Variants in PIEZO1 observed in about 807,000 individuals in gnomAD.
PIEZO1 encodes the protein piezo-type mechanosensitive ion channel component 1.
A neutral mutation model predicts 297.2 loss-of-function variants in PIEZO1; 296 were observed. The observed-to-expected ratio is 1.00, with a 90% CI of 0.91 to 1.10. The LOEUF (loss-of-function observed/expected upper bound fraction) is 1.10. PIEZO1 is among the 50% of genes least tolerant of loss of function. The probability of loss-of-function intolerance (pLI) is 0.00; values close to 1 mark genes in which losing one functional copy is unlikely to be tolerated. For missense variants in PIEZO1, 5,018 were observed against 3,455.5 expected (o/e 1.45, Z -11.34); for synonymous variants, 2,427 against 1,507.5 (o/e 1.61, Z -14.13).
In PIEZO1 at chr16:88,726,975, T is replaced by C; in HGVS notation, c.3456-17A>G. The C allele has an allele frequency of 6.5e-7, 1 of 1,549,766 alleles. No homozygotes were observed. The highest frequency in any genetic ancestry group is 8.7e-7 in the Non-Finnish European group (1 of 1,146,496). On this transcript the variant is annotated splice_polypyrimidine_tract_variant and intron_variant, in intron 24 of 50. Transcript: ENST00000301015. ...AGGTAGGACCTGCCAGGCCGGAGCG[T>C]CAGGGCGGGCGCCCCGGCCACCCCT...
rs1904380290 is a variant in PIEZO1 at position 88,725,765 on chromosome 16, CG to C, written c.3969-82del. 1.8e-5 allele frequency: 14 copies of C among 761,954 alleles called. No individual in the cohort carries two copies. The South Asian group carries it at 2.2e-4, about 12-fold the overall frequency. 47.2% of individuals were successfully genotyped at this position (761,954 alleles called of 1,614,324 possible). A position where few individuals can be genotyped will look rare whatever the true frequency, so the allele number is the denominator to read the frequency against. ...GGCAGCCGCCGCTCCCCGCTCAGCC[CG>C]GGACAGCTCAGCCTGCTCCTCTCTG... is the stretch of plus-strand genomic sequence containing the variant. On this transcript the variant is annotated intron_variant, in intron 27 of 50. Transcript: ENST00000301015.
At chr16:88,759,643 G>C (rs1906834370) in intron 1 of PIEZO1, among the ~76,000 whole-genome samples, 1 of 152,218 alleles carries the variant, frequency 6.6e-6, no homozygotes, top group South Asian at 2.1e-4. Flanking sequence ...TCCCTGCCAT[G>C]ACCCCAGGCA....
At chr16:88,716,338 C>T (rs1373671689) in intron 48 of PIEZO1, 23 bp downstream of exon 48, 2 of 1,510,806 alleles carry the variant, frequency 1.3e-6, no homozygotes, top group Non-Finnish European at 8.9e-7. Flanking sequence ...CCCTCCTGCC[C>T]ACCACCCGGG....
At chr16:88,732,758 C>A (rs1374930097) in intron 19 of PIEZO1, 26 bp from the exon 20 acceptor site, 1 of 1,523,710 alleles carries the variant, frequency 6.6e-7, no homozygotes, top group South Asian at 1.2e-5. Flanking sequence ...GCATCAGTGC[C>A]CCCTCCCAGG....
At position 88,717,104 on chromosome 16, in the gene PIEZO1, G is replaced by A. The variant is rs910108394; in HGVS notation, c.6579C>T (p.Phe2193=). The A allele has an allele frequency of 6.4e-7, 1 of 1,551,212 alleles. No homozygotes were observed. The highest frequency in any genetic ancestry group is 8.7e-7 in the Non-Finnish European group (1 of 1,147,130). The change falls in exon 45 of 51, where the codon TTC becomes TTT. Residue 2193 remains phenylalanine, a synonymous_variant. Transcript: ENST00000301015. ...CAACCACGGAGCGCACCAGCGACAT[G>A]AAGAGCAGTGGGAACCAGATGATGG... ...LIAIIWFPLL[F]MSLVRSVVGV...
chr16:88,754,443 G>A (rs1906553772), intron 1 of PIEZO1, among the ~76,000 whole-genome samples: 2 of 152,224 alleles, frequency 1.3e-5, no homozygotes, highest in Admixed American at 1.3e-4. Context: ...GAGCCCCCCT[G>A]CCAGGATCCA....
At chr16:88,769,883 C>A (rs564173105) in intron 1 of PIEZO1, among the ~76,000 whole-genome samples, 19 of 152,318 alleles carry the variant, frequency 1.2e-4, no homozygotes, top group Admixed American at 1.0e-3. Context: ...ACAGAGAGGC[C>A]GGCATGGGGC....
Position 88,722,939 on chromosome 16 carries a change from C to G in PIEZO1, c.4566G>C (p.Val1522=). The G allele has an allele frequency of 1.3e-6, 2 of 1,549,350 alleles. No individual in the cohort carries two copies. The highest frequency in any genetic ancestry group is 2.4e-5 in the East Asian group (1 of 40,922). The change falls in exon 34 of 51, where the codon GTG becomes GTC. Residue 1522 remains valine, a synonymous_variant. Coordinates refer to ENST00000301015, the MANE Select transcript of PIEZO1 (RefSeq NM_001142864.4). The part of the protein sequence containing the change: ...QFLWMLGQAL[V]DELTRWLQEF... The stretch of plus-strand genomic sequence containing the variant: ...CCTGCAGCCAGCGTGTCAGCTCATC[C>G]ACTAGCGCCTGCCCCAGCATCCACA...
rs1334116120 is a variant in PIEZO1, at chr16:88,734,876, T to C, written c.1847A>G (p.Gln616Arg). The change falls in exon 14 of 51, where the codon CAG becomes CGG. Residue 616 changes from glutamine to arginine, a missense_variant and splice_region_variant. Gln to Arg is a conservative substitution (Grantham distance 43). Transcript: ENST00000301015. The part of the protein sequence containing the change: ...FLFLLCLTLF[Q>R]VYYSLWRKLL... ...CCCCCATCCCGGCCCCCCAGCCACCTGGAAGAGGGTGAGGCAGAGCAGGAA... is the reference window on the plus strand; with the variant it reads ...CCCCCATCCCGGCCCCCCAGCCACCCGGAAGAGGGTGAGGCAGAGCAGGAA... 1.3e-6 allele frequency: 2 copies of C among 1,545,406 alleles called. No homozygotes were observed. Among genetic ancestry groups the C allele is most frequent in the Non-Finnish European group, 1.8e-6 (2 of 1,142,792 alleles).
Position 88,736,179 on chromosome 16 carries a change from G to C in PIEZO1, c.1526C>G (p.Thr509Ser). The change falls in exon 12 of 51, where the codon ACC becomes AGC. Residue 509 changes from threonine (T) to serine (S), a missense_variant. Physicochemically the swap from Thr to Ser is moderately conservative, Grantham distance 58. Transcript: ENST00000301015. ...VSLRQLGLEH[T>S]RYPCLDLGAM... ...ACCAAGGTCCAGACAGGGGTAGCGG[G>C]TGTGCTCCAGCCCCAGCTGGCGCAG... 2.6e-6 allele frequency: 4 copies of C among 1,548,918 alleles called. No individual in the cohort carries two copies. The highest frequency in any genetic ancestry group is 3.5e-6 in the Non-Finnish European group (4 of 1,146,512).
intron 1 of PIEZO1, among the ~76,000 whole-genome samples, chr16:88,768,078 AAAG>A (rs1411767615): frequency 1.3e-5 from 2 of 152,184 alleles, no homozygotes; most frequent in Non-Finnish European, 2.9e-5. Flanking sequence ...ACGAGCCCCC[AAAG>A]CCATGTGCCA....
At position 88,735,194 on chromosome 16, in the gene PIEZO1, T is replaced by A; in HGVS notation, c.1610A>T (p.Lys537Met). 6.4e-7 allele frequency: 1 copy of A among 1,550,414 alleles called. No individual in the cohort carries two copies. The highest frequency in any genetic ancestry group is 8.7e-7 in the Non-Finnish European group (1 of 1,146,944). The change falls in exon 13 of 51, where the codon AAG becomes ATG. Residue 537 changes from lysine (K) to methionine (M), a missense_variant. By Grantham distance (95) the Lys-to-Met change is moderately conservative. Coordinates refer to ENST00000301015, the MANE Select transcript of PIEZO1 (RefSeq NM_001142864.4). ...TGGAGACTCTGCCCACTTCAGCAGC[T>A]TCTCTTTCACAAACTGGCGCAGCAG... ...WLLLRQFVKE[K>M]LLKWAESPAA...
At chr16:88,727,402 G>C (rs1289674929) in intron 23 of PIEZO1, among the ~76,000 whole-genome samples, 155 bp downstream of exon 23, 1 of 148,810 alleles carries the variant, frequency 6.7e-6, no homozygotes, top group East Asian at 1.9e-4. Flanking sequence ...GCTGAGGTCT[G>C]CGTGCGTGCG....
intron 10 of PIEZO1, chr16:88,737,222 A>T (rs867305500): frequency 2.7e-5 from 7 of 262,948 alleles, no homozygotes; most frequent in Middle Eastern, 1.2e-3. Flanking sequence ...GGCCACCTGG[A>T]GCAGCTCCCA....
Position 88,715,405 on chromosome 16 carries a change from G to T in PIEZO1, c.*200C>A. On this transcript the variant is annotated 3_prime_UTR_variant, in exon 51 of 51. Coordinates refer to ENST00000301015, the MANE Select transcript of PIEZO1 (RefSeq NM_001142864.4). ...AAAAAAACTCTACAGTACACGTGGG[G>T]GACGGCAGCGCCACGCAGGCCGTGG... is the stretch of plus-strand genomic sequence containing the variant. 1 of 978,662 alleles carries T rather than the reference G, an allele frequency of 1.0e-6. No individual in the cohort carries two copies. The allele number at this position is 978,662 out of a possible 1,614,324, so 60.6% of individuals were successfully genotyped here.
chr16:88,773,592 G>C (rs988234498), intron 1 of PIEZO1, among the ~76,000 whole-genome samples: 1 of 152,250 alleles, frequency 6.6e-6, no homozygotes, highest in African/African-American at 2.4e-5. Context: ...GGGCCTGACA[G>C]GGAAAAGGCT....
At position 88,719,939 on chromosome 16, in the gene PIEZO1, C is replaced by T. The variant is rs745799247; in HGVS notation, c.6186G>A (p.Val2062=). The change falls in exon 43 of 51, where the codon GTG becomes GTA. Residue 2062 remains valine (V), a synonymous_variant. Coordinates refer to ENST00000301015, the MANE Select transcript of PIEZO1 (RefSeq NM_001142864.4). The part of the protein sequence containing the change: ...VTERMFNQNV[V]AQLWYFVKCI... The stretch of plus-strand genomic sequence containing the variant: ...ACTTCACGAAGTACCAGAGCTGGGC[C>T]ACCACATTCTGGTTGAACATCCTGG... 6.5e-7 allele frequency: 1 copy of T among 1,550,224 alleles called. No individual in the cohort carries two copies. Among genetic ancestry groups the T allele is most frequent in the Non-Finnish European group, 8.7e-7 (1 of 1,146,948 alleles).
chr16:88,718,161 G>A (rs551461922), intron 44 of PIEZO1: 16 of 179,882 alleles, frequency 8.9e-5, no homozygotes, highest in Non-Finnish European at 1.4e-4. Context: ...AAGACGCTCA[G>A]CGTCGGTCAA....
chr16:88,717,375 A>G (rs754913004), intron 44 of PIEZO1, 164 bp from the exon 45 acceptor site: 41 of 671,542 alleles, frequency 6.1e-5, no homozygotes, highest in Non-Finnish European at 9.9e-5. Flanking sequence ...AGTAGAACTA[A>G]GAGTCCAGTT....
Sources: allele counts gnomAD v4.1 joint callset (sites outside exome capture counted in the v4.1 genomes callset), GRCh38; gene constraint gnomAD v4.1.1; transcripts MANE v1.5; gene names NCBI Gene and HGNC (gene_info 2026-07-23, HGNC 2026-07-21).